Variants in CACNB4 observed in about 807,000 individuals in gnomAD.
CACNB4 encodes the protein voltage-dependent L-type calcium channel subunit beta-4.
Under a neutral mutation model 71.2 loss-of-function variants are expected in CACNB4, and 32 were observed. The observed-to-expected ratio is 0.45, with a 90% confidence interval of 0.34 to 0.60. The LOEUF is 0.60. Among genes scored for constraint, CACNB4 ranks in the 20% least tolerant of loss-of-function variants. The probability of loss-of-function intolerance (pLI) is 0.01; values close to 1 mark genes in which losing one functional copy is unlikely to be tolerated. For missense variants in CACNB4, 464 were observed against 647.9 expected (o/e 0.72, Z 3.08); for synonymous variants, 231 against 236.9 (o/e 0.97, Z 0.23).
At chr2:152,078,984 A>G (rs759569010) in intron 2 of CACNB4, among the ~76,000 whole-genome samples, 1 of 152,198 alleles carries the variant, frequency 6.6e-6, no homozygotes, top group Non-Finnish European at 1.5e-5. Context: ...AATGTTCTAC[A>G]TGGTGCCTGC....
At chr2:151,938,251 A>C (rs1400524096) in intron 2 of CACNB4, among the ~76,000 whole-genome samples, 1 of 152,248 alleles carries the variant, frequency 6.6e-6, no homozygotes, top group Non-Finnish European at 1.5e-5. Context: ...CTCAAAGTGT[A>C]ATGTGCTAAT....
chr2:152,077,144 A>C (rs1412477440), intron 2 of CACNB4, among the ~76,000 whole-genome samples: 1 of 152,216 alleles, frequency 6.6e-6, no homozygotes, highest in African/African-American at 2.4e-5. Flanking sequence ...TAAAGAGCCG[A>C]GCACAGTGGC....
chr2:151,913,597 C>T (rs2099856756), intron 2 of CACNB4, among the ~76,000 whole-genome samples: 2 of 151,626 alleles, frequency 1.3e-5, no homozygotes, highest in Admixed American at 1.3e-4. Flanking sequence ...AAACCCATCT[C>T]TACTAAAAAA....
At chr2:151,884,655 A>G (rs887547695) in intron 2 of CACNB4, among the ~76,000 whole-genome samples, 1 of 151,534 alleles carries the variant, frequency 6.6e-6, no homozygotes, top group Non-Finnish European at 1.5e-5. Context: ...AAAAAAAAAA[A>G]AAAAGTTCTG....
chr2:152,058,360 G>A (rs1685833834), intron 2 of CACNB4, among the ~76,000 whole-genome samples: 1 of 152,178 alleles, frequency 6.6e-6, no homozygotes, highest in African/African-American at 2.4e-5. Context: ...AGTTTGGAGG[G>A]CTCCGAAGAA....
At chr2:152,091,199 A>C (rs1032903413) in intron 2 of CACNB4, among the ~76,000 whole-genome samples, 1 of 152,164 alleles carries the variant, frequency 6.6e-6, no homozygotes, top group African/African-American at 2.4e-5. Context: ...AAACAAGAAG[A>C]AGCACAGTTT....
intron 2 of CACNB4, among the ~76,000 whole-genome samples, chr2:152,022,206 A>C (rs1369785039): frequency 6.6e-6 from 1 of 152,152 alleles, no homozygotes; most frequent in African/African-American, 2.4e-5. Flanking sequence ...TACACCACTC[A>C]AACTGCTACC....
intron 6 of CACNB4, 183 bp downstream of exon 6, chr2:151,872,234 T>G (rs1277259336): frequency 1.2e-5 from 7 of 575,212 alleles, no homozygotes; most frequent in Non-Finnish European, 1.8e-5. Context: ...ACATGAATTT[T>G]TAATACCATT....
At chr2:151,919,713 G>T (rs150782965) in intron 2 of CACNB4, among the ~76,000 whole-genome samples, 1 of 151,754 alleles carries the variant, frequency 6.6e-6, no homozygotes, top group Non-Finnish European at 1.5e-5. Context: ...CTACCTTGAC[G>T]CCCCCCTTAA....
At chr2:152,013,039 A>G (rs1683147216) in intron 2 of CACNB4, among the ~76,000 whole-genome samples, 1 of 152,210 alleles carries the variant, frequency 6.6e-6, no homozygotes, top group Non-Finnish European at 1.5e-5. Context: ...ATATACAAAC[A>G]CTTACTATTG....
At chr2:152,048,536 C>G (rs186377083) in intron 2 of CACNB4, 3 of 152,266 alleles carry the variant, frequency 2.0e-5, no homozygotes, top group African/African-American at 7.2e-5. Flanking sequence ...TGTCTCCTGA[C>G]GATGAGAGAA....
At chr2:152,022,921 A>G (rs923793871) in intron 2 of CACNB4, among the ~76,000 whole-genome samples, 1 of 152,180 alleles carries the variant, frequency 6.6e-6, no homozygotes, top group African/African-American at 2.4e-5. Flanking sequence ...ACACTTGGAA[A>G]AGTTAAGGAA....
chr2:151,971,308 T>C, intron 2 of CACNB4: 1 of 590,654 alleles, frequency 1.7e-6, no homozygotes, highest in East Asian at 2.8e-5. Flanking sequence ...TTGAAAATAA[T>C]CACTTATCAC....
Position 151,983,679 on chromosome 2 carries a change from A to T in CACNB4, c.148-100309T>A, listed in dbSNP as rs1052424277. On this transcript the variant is annotated intron_variant, in intron 2 of 13. Transcript: ENST00000539935. ...TAAAAAAGCCATAAACTTTGGTCAC[A>T]CACACACACACACACACACACACAC... 6.5e-4 allele frequency among the ~76,000 whole-genome samples: 68 copies of T among 104,262 alleles called. 1 individual carries two copies. Among genetic ancestry groups the T allele is most frequent in the East Asian group, 3.3e-3 (10 of 3,074 alleles). The allele number at this position is 104,262 out of a possible 152,430, so 68.4% of individuals were successfully genotyped here. A position where few individuals can be genotyped will look rare whatever the true frequency, so the allele number is the denominator to read the frequency against.
chr2:151,878,985 T>C (rs1294845662), intron 4 of CACNB4, among the ~76,000 whole-genome samples: 1 of 152,206 alleles, frequency 6.6e-6, no homozygotes, highest in Non-Finnish European at 1.5e-5. Flanking sequence ...ATCTAGGTCT[T>C]AGTTGTTTTT....
chr2:152,076,800 A>G (rs1687056914), intron 2 of CACNB4, among the ~76,000 whole-genome samples: 1 of 152,222 alleles, frequency 6.6e-6, no homozygotes, highest in African/African-American at 2.4e-5. Context: ...CCTGATGCCT[A>G]TTCTGTCAAC....
At chr2:151,908,704 T>C (rs1049479877) in intron 2 of CACNB4, among the ~76,000 whole-genome samples, 3 of 152,170 alleles carry the variant, frequency 2.0e-5, no homozygotes, top group Non-Finnish European at 4.4e-5. Flanking sequence ...AGACAGCCAT[T>C]TCGCAGTGAG....
intron 2 of CACNB4, among the ~76,000 whole-genome samples, chr2:152,050,192 C>T (rs1181212162): frequency 9.2e-5 from 14 of 152,198 alleles, no homozygotes; most frequent in South Asian, 4.1e-4. Context: ...CACGTAAAGA[C>T]GAGGAAAGAA....
intron 2 of CACNB4, among the ~76,000 whole-genome samples, chr2:151,990,908 A>T (rs1681671367): frequency 6.6e-6 from 1 of 152,212 alleles, no homozygotes; most frequent in Admixed American, 6.5e-5. Context: ...AGGTCATTTT[A>T]AAATGTTGTC....
Sources: gnomAD v4.1 joint callset for allele counts (sites outside exome capture counted in the v4.1 genomes callset) on GRCh38, gnomAD v4.1.1 for gene constraint, MANE v1.5 for transcripts, NCBI Gene and HGNC (gene_info 2026-07-23, HGNC 2026-07-21) for gene names.